MDGA2: variants seen among roughly 807,000 people sequenced by gnomAD.
MDGA2 encodes the protein MAM domain-containing glycosylphosphatidylinositol anchor protein 2.
MDGA2 carries 40 observed loss-of-function variants against 117.8 expected under a neutral mutation model. That is an observed-to-expected ratio of 0.34 (90% CI 0.26 to 0.44). The LOEUF is 0.44. Ranked by LOEUF, MDGA2 falls within the 20% of genes least tolerant of loss-of-function variation. The pLI is 1.00. For missense variants in MDGA2, 1,123 were observed against 1,250.6 expected (o/e 0.90, Z 1.54); for synonymous variants, 452 against 439.0 (o/e 1.03, Z -0.37).
At chr14:47,058,647 T>C (rs1169714537) in intron 7 of MDGA2, 2 of 984,964 alleles carry the variant, frequency 2.0e-6, no homozygotes, top group Admixed American at 6.2e-5. Flanking sequence ...ATGATGTCAG[T>C]TGAATCATAC....
Position 47,003,720 on chromosome 14 carries a change from C to T in MDGA2, c.1819+31291G>A, listed in dbSNP as rs536094737. On this transcript the variant is annotated intron_variant, in intron 8 of 16. Coordinates refer to ENST00000399232, the MANE Select transcript of MDGA2 (RefSeq NM_001113498.3). ...GCAAATATTTTATTCCAAACCATGG[C>T]TTGTCTTTTCATTCTTTTATCAGTA... Among the ~76,000 whole-genome samples the T allele has an allele frequency of 6.6e-5, 10 of 152,040 alleles. No individual in the cohort carries two copies. The South Asian group carries it at 2.1e-3, about 32-fold the overall frequency.
At chr14:47,588,229 G>GATATATATATATAT (rs1243073183) in intron 1 of MDGA2, among the ~76,000 whole-genome samples, 20 of 101,522 alleles carry the variant, frequency 2.0e-4, no homozygotes, top group East Asian at 2.6e-4. Flanking sequence ...ATCTCTTGGA[G>GATATATATATATAT]ATAGATAGAT....
At chr14:47,176,746 G>A (rs1215550049) in intron 3 of MDGA2, among the ~76,000 whole-genome samples, 1 of 152,136 alleles carries the variant, frequency 6.6e-6, no homozygotes, top group Non-Finnish European at 1.5e-5. Context: ...CATGGGCAAA[G>A]ACTTCATGTC....
chr14:47,424,441 T>C (rs748017050), intron 1 of MDGA2, among the ~76,000 whole-genome samples: 34 of 151,638 alleles, frequency 2.2e-4, no homozygotes, highest in South Asian at 4.2e-4. Flanking sequence ...TTTAAGAGCA[T>C]ATTTAATTGA....
At chr14:47,275,118 C>T (rs1255721719) in intron 2 of MDGA2, among the ~76,000 whole-genome samples, 1 of 152,000 alleles carries the variant, frequency 6.6e-6, no homozygotes, top group Non-Finnish European at 1.5e-5. Context: ...GCTTTTGGTG[C>T]CATATTAAGA....
Position 46,937,062 on chromosome 14 carries a change from A to C in MDGA2, c.2090-16902T>G, listed in dbSNP as rs143877523. Among the ~76,000 whole-genome samples, 258 of 152,240 alleles carry C rather than the reference A, an allele frequency of 1.7e-3. 1 individual carries two copies. Among genetic ancestry groups the C allele is most frequent in the African/African-American group, 5.8e-3 (242 of 41,552 alleles). On this transcript the variant is annotated intron_variant, in intron 9 of 16. Coordinates refer to ENST00000399232, the MANE Select transcript of MDGA2 (RefSeq NM_001113498.3). ...AAAACCTAAAGACTCTACCAAAAAAACTCTTAGAACTGAAAAATAAATTTA... is the reference window on the plus strand; with the variant it reads ...AAAACCTAAAGACTCTACCAAAAAACCTCTTAGAACTGAAAAATAAATTTA...
intron 1 of MDGA2, among the ~76,000 whole-genome samples, chr14:47,331,064 C>A (rs976276063): frequency 6.6e-6 from 1 of 151,802 alleles, no homozygotes; most frequent in African/African-American, 2.4e-5. Context: ...GTTTACTAAA[C>A]CAGCAACTTT....
chr14:47,364,985 G>T (rs538640749), intron 1 of MDGA2, among the ~76,000 whole-genome samples: 2 of 152,296 alleles, frequency 1.3e-5, no homozygotes, highest in East Asian at 1.9e-4. Flanking sequence ...TCATGATATA[G>T]TATGTATGAA....
intron 1 of MDGA2, among the ~76,000 whole-genome samples, chr14:47,599,621 C>A (rs1038749179): frequency 2.8e-4 from 42 of 152,196 alleles, no homozygotes; most frequent in African/African-American, 9.9e-4. Context: ...ATACATTTTG[C>A]GAGTTTCTGG....
chr14:47,520,910 G>A (rs1025830619), intron 1 of MDGA2, among the ~76,000 whole-genome samples: 28 of 152,092 alleles, frequency 1.8e-4, no homozygotes, highest in African/African-American at 5.3e-4. Flanking sequence ...CAGAATTAAG[G>A]AACAATAATT....
At chr14:46,999,253 A>G (rs945297163) in intron 8 of MDGA2, among the ~76,000 whole-genome samples, 1 of 152,006 alleles carries the variant, frequency 6.6e-6, no homozygotes, top group Non-Finnish European at 1.5e-5. Flanking sequence ...ATTTTACAAT[A>G]TAATGCTAAA....
intron 8 of MDGA2, among the ~76,000 whole-genome samples, chr14:46,985,431 C>A (rs1031680253): frequency 1.3e-5 from 2 of 151,930 alleles, no homozygotes; most frequent in African/African-American, 4.8e-5. Flanking sequence ...TATATGTAAT[C>A]ATACATGTAA....
At chr14:47,625,182 T>C (rs968515910) in intron 1 of MDGA2, among the ~76,000 whole-genome samples, 1 of 152,122 alleles carries the variant, frequency 6.6e-6, no homozygotes, top group Non-Finnish European at 1.5e-5. Flanking sequence ...CAAGTTTTTA[T>C]TTATCTTGGA....
chr14:46,891,946 T>C (rs2138419735), intron 10 of MDGA2, among the ~76,000 whole-genome samples: 1 of 151,970 alleles, frequency 6.6e-6, no homozygotes, highest in South Asian at 2.1e-4. Context: ...TAGAAGTTAA[T>C]ATGAGACATT....
At chr14:47,263,521 C>T (rs184155924) in intron 2 of MDGA2, among the ~76,000 whole-genome samples, 1 of 152,198 alleles carries the variant, frequency 6.6e-6, no homozygotes, top group Non-Finnish European at 1.5e-5. Context: ...GTGGAGTCCT[C>T]ATTAAAAAAC....
chr14:47,290,273 C>T (rs764419873), intron 2 of MDGA2, among the ~76,000 whole-genome samples: 40 of 151,926 alleles, frequency 2.6e-4, no homozygotes, highest in Non-Finnish European at 2.2e-4. Context: ...GATTAGTACC[C>T]TTAAAAAGGA....
rs766606749 is a variant in MDGA2 at position 47,540,551 on chromosome 14, T to C, written c.280+133966A>G. ...GTGTGTGTGTGTGTGTATATATATA[T>C]ATGTATATATATACACACACACATA... On this transcript the variant is annotated intron_variant, in intron 1 of 16. Coordinates refer to ENST00000399232, the MANE Select transcript of MDGA2 (RefSeq NM_001113498.3). Among the ~76,000 whole-genome samples, 39 of 95,302 alleles carry C rather than the reference T, an allele frequency of 4.1e-4. 1 individual carries two copies. The highest frequency in any genetic ancestry group is 1.8e-4 in the Non-Finnish European group (8 of 44,418). 62.5% of individuals were successfully genotyped at this position (95,302 alleles called of 152,430 possible).
intron 11 of MDGA2, among the ~76,000 whole-genome samples, chr14:46,881,113 G>A (rs925680907): frequency 2.0e-5 from 3 of 150,774 alleles, no homozygotes; most frequent in East Asian, 1.9e-4. Context: ...CCAAAATCCG[G>A]CAACTAAGAT....
chr14:47,372,530 C>G (rs904205042), intron 1 of MDGA2, among the ~76,000 whole-genome samples: 1 of 151,794 alleles, frequency 6.6e-6, no homozygotes, highest in African/African-American at 2.4e-5. Flanking sequence ...ACGAAATACA[C>G]ATAAAATTGG....
Sources: allele counts gnomAD v4.1 joint callset (sites outside exome capture counted in the v4.1 genomes callset), GRCh38; gene constraint gnomAD v4.1.1; transcripts MANE v1.5; gene names NCBI Gene and HGNC (gene_info 2026-07-23, HGNC 2026-07-21).